Variants in SCN4B observed in about 807,000 individuals in gnomAD.
The protein encoded by SCN4B is sodium voltage-gated channel beta subunit 4, also known as sodium channel regulatory subunit beta-4.
SCN4B carries 20 observed loss-of-function variants against 19.6 expected under a neutral mutation model. That is an observed-to-expected ratio of 1.02 (90% confidence interval 0.72 to 1.48). The LOEUF is 1.48. Among genes scored for constraint, SCN4B ranks in the 40% most tolerant of loss-of-function variants. The pLI is 0.00. For missense variants in SCN4B, 271 were observed against 287.5 expected (o/e 0.94, Z 0.42); for synonymous variants, 127 against 122.8 (o/e 1.03, Z -0.22).
intron 4 of SCN4B, among the ~76,000 whole-genome samples, chr11:118,137,574 G>A (rs1332974408): frequency 6.6e-6 from 1 of 152,262 alleles, no homozygotes; most frequent in African/African-American, 2.4e-5. Context: ...GGGAGGCTGA[G>A]GCAGGAGAAT....
At chr11:118,143,065 G>C (rs752677302) in intron 3 of SCN4B, among the ~76,000 whole-genome samples, 2 of 152,234 alleles carry the variant, frequency 1.3e-5, no homozygotes, top group Non-Finnish European at 2.9e-5. Context: ...CCTTGCGCAA[G>C]TCCCCTTCCC....
At chr11:118,142,128 C>T (rs1464331379) in intron 3 of SCN4B, among the ~76,000 whole-genome samples, 1 of 152,254 alleles carries the variant, frequency 6.6e-6, no homozygotes, top group East Asian at 1.9e-4. Context: ...AGCTTCCTAA[C>T]TGATCTCCTC....
intron 4 of SCN4B, among the ~76,000 whole-genome samples, chr11:118,138,692 A>G (rs1420607688): frequency 6.6e-6 from 1 of 152,192 alleles, no homozygotes; most frequent in Non-Finnish European, 1.5e-5. Flanking sequence ...TGTGGTAAAT[A>G]ACAGGATGGG....
Position 118,135,707 on chromosome 11 carries a change from C to A in SCN4B, c.*1320G>T, listed in dbSNP as rs1328518803. On this transcript the variant is annotated 3_prime_UTR_variant, in exon 5 of 5. Coordinates refer to ENST00000324727, the MANE Select transcript of SCN4B (RefSeq NM_174934.4). ...GGGAGGGCTGGCGAACCCTCACCAGCACCACACCAGACTCTGCTGTTATGT... is the reference window on the plus strand; with the variant it reads ...GGGAGGGCTGGCGAACCCTCACCAGAACCACACCAGACTCTGCTGTTATGT... 2.2e-6 allele frequency: 1 copy of A among 454,444 alleles called. No individual in the cohort carries two copies. The highest frequency in any genetic ancestry group is 2.3e-5 in the Admixed American group (1 of 42,570). The allele number at this position is 454,444 out of a possible 1,614,324, so 28.2% of individuals were successfully genotyped here.
At chr11:118,145,805 G>A (rs776697236) in intron 1 of SCN4B, 1 of 203,806 alleles carries the variant, frequency 4.9e-6, no homozygotes, top group African/African-American at 2.3e-5. Context: ...GCTCCTCCCT[G>A]GTCCCCAGGG....
Position 118,136,064 on chromosome 11 carries a change from G to T in SCN4B, c.*963C>A, listed in dbSNP as rs1179772726. The T allele has an allele frequency of 1.8e-5, 8 of 442,086 alleles. No individual in the cohort carries two copies. Among genetic ancestry groups the T allele is most frequent in the South Asian group, 1.3e-4 (8 of 62,858 alleles). The allele number at this position is 442,086 out of a possible 1,614,324, so 27.4% of individuals were successfully genotyped here. A position where few individuals can be genotyped will look rare whatever the true frequency, so the allele number is the denominator to read the frequency against. On this transcript the variant is annotated 3_prime_UTR_variant, in exon 5 of 5. Coordinates refer to ENST00000324727, the MANE Select transcript of SCN4B (RefSeq NM_174934.4). ...GGGGGGGGGGAGCGAGCCAATGGGAGGTTGGAGGGTGCAGCCTCTCAGGTA... is the reference window on the plus strand; with the variant it reads ...GGGGGGGGGGAGCGAGCCAATGGGATGTTGGAGGGTGCAGCCTCTCAGGTA...
intron 4 of SCN4B, among the ~76,000 whole-genome samples, chr11:118,138,215 C>T (rs1948046490): frequency 6.6e-6 from 1 of 152,212 alleles, no homozygotes; most frequent in South Asian, 2.1e-4. Context: ...AAACTACATC[C>T]TACCCTCACC....
chr11:118,137,317 C>T (rs986664381), intron 4 of SCN4B, among the ~76,000 whole-genome samples, 197 bp from the exon 5 acceptor site: 6 of 152,196 alleles, frequency 3.9e-5, no homozygotes, highest in African/African-American at 1.4e-4. Flanking sequence ...TAGGGATGAC[C>T]TTCTGCGTGG....
Position 118,143,887 on chromosome 11 carries a change from T to G in SCN4B, c.409A>C (p.Lys137Gln). ...GCGTGGTGCTGGAGATTATTCTCCTTGGGGTTCTTCACATGGCAGGTGTAT... is the reference window on the plus strand; with the variant it reads ...GCGTGGTGCTGGAGATTATTCTCCTGGGGGTTCTTCACATGGCAGGTGTAT... ...GKYTCHVKNP[K>Q]ENNLQHHATI... Residue 137 changes from lysine (K) to glutamine (Q), a missense_variant, in exon 3 of 5, where the codon AAG becomes CAG. Lys to Gln is a moderately conservative substitution (Grantham distance 53). Coordinates refer to ENST00000324727, the MANE Select transcript of SCN4B (RefSeq NM_174934.4). The G allele has an allele frequency of 6.2e-7, 1 of 1,613,552 alleles. No individual in the cohort carries two copies.
rs752428709 is a variant in SCN4B at position 118,143,942 on chromosome 11, C to T, written c.354G>A (p.Leu118=). The T allele has an allele frequency of 3.7e-6, 6 of 1,614,154 alleles. No homozygotes were observed. The change falls in exon 3 of 5, where the codon CTG becomes CTA. Residue 118 remains leucine, a synonymous_variant. Coordinates refer to ENST00000324727, the MANE Select transcript of SCN4B (RefSeq NM_174934.4). ...CCGTGTCGCTGAACTCCAGGTCCCTCAGCACAATGGAAATGTTGTTCATCT... is the reference window on the plus strand; with the variant it reads ...CCGTGTCGCTGAACTCCAGGTCCCTTAGCACAATGGAAATGTTGTTCATCT... ...KEKMNNISIV[L]RDLEFSDTGK...
rs983677151 is a variant in SCN4B at position 118,148,650 on chromosome 11, G to A, written c.62-3421C>T. 5.3e-5 allele frequency among the ~76,000 whole-genome samples: 8 copies of A among 152,138 alleles called. No individual in the cohort carries two copies. Among genetic ancestry groups the A allele is most frequent in the African/African-American group, 1.9e-4 (8 of 41,422 alleles). On this transcript the variant is annotated intron_variant, in intron 1 of 4. Coordinates refer to ENST00000324727, the MANE Select transcript of SCN4B (RefSeq NM_174934.4). This position sits in a 1 kb window ranked among gnomAD's most constrained non-coding sequence, Gnocchi z 4.0. The stretch of plus-strand genomic sequence containing the variant: ...GGCACCCTGCAGGTAGAGGAGGGTG[G>A]TATTTGAAAGGGGAGCAGGGGACAA...
At chr11:118,149,421 T>C (rs1247569880) in intron 1 of SCN4B, among the ~76,000 whole-genome samples, 1 of 152,112 alleles carries the variant, frequency 6.6e-6, no homozygotes, top group Non-Finnish European at 1.5e-5. Flanking sequence ...AAGTTAGAGC[T>C]GGGGGGCAGA....
rs1306208725 is a variant in SCN4B at position 118,141,254 on chromosome 11, C to T, written c.546G>A (p.Leu182=). The change falls in exon 4 of 5, where the codon CTG becomes CTA. Residue 182 remains leucine, a synonymous_variant. Coordinates refer to ENST00000324727, the MANE Select transcript of SCN4B (RefSeq NM_174934.4). ...GGATGAAGATGATGAGTTTCTTGAT[C>T]AGCAGGATGAGGATGAGGAGCCCGA... ...GVIGLLILIL[L]IKKLIIFILK... The T allele has an allele frequency of 1.2e-6, 2 of 1,612,764 alleles. No individual in the cohort carries two copies. The highest frequency in any genetic ancestry group is 2.7e-5 in the African/African-American group (2 of 74,822).
At chr11:118,144,606 C>T (rs1948144312) in intron 2 of SCN4B, among the ~76,000 whole-genome samples, 1 of 152,070 alleles carries the variant, frequency 6.6e-6, no homozygotes, top group African/African-American at 2.4e-5. Flanking sequence ...TGAGTTCACT[C>T]CCACCCCCAC....
intron 1 of SCN4B, 150 bp downstream of exon 1, chr11:118,152,463 G>C (rs1415063403): frequency 1.5e-6 from 1 of 672,822 alleles, no homozygotes; most frequent in Non-Finnish European, 2.7e-6. Flanking sequence ...TATGAACCAG[G>C]CAGGAACCAG....
chr11:118,144,080 T>A lies in SCN4B; in HGVS notation c.235-19A>T. 1.3e-6 allele frequency: 2 copies of A among 1,559,460 alleles called. No individual in the cohort carries two copies. Among genetic ancestry groups the A allele is most frequent in the Non-Finnish European group, 1.8e-6 (2 of 1,130,906 alleles). Reference sequence around the variant, plus strand: ...CTATGAGCTGGTGGAGGAAGGGAGTTGGGGTGAGAAAGTAGCCGAGAAAGA... The same window carrying A: ...CTATGAGCTGGTGGAGGAAGGGAGTAGGGGTGAGAAAGTAGCCGAGAAAGA... On this transcript the variant is annotated intron_variant, in intron 2 of 4. Coordinates refer to ENST00000324727, the MANE Select transcript of SCN4B (RefSeq NM_174934.4).
Position 118,145,146 on chromosome 11 carries a change from T to C in SCN4B, c.145A>G (p.Ile49Val). The change falls in exon 2 of 5, where the codon ATC becomes GTC. Residue 49 changes from isoleucine to valine, a missense_variant. Ile to Val is a conservative substitution (Grantham distance 29, BLOSUM62 3). Transcript: ENST00000324727. Reference sequence around the variant, plus strand: ...CTGGAGAAGGTGCAGGGCAGCAGGATCTCCGTGCCATTGACAGCGTAGATG... The same window carrying C: ...CTGGAGAAGGTGCAGGGCAGCAGGACCTCCGTGCCATTGACAGCGTAGATG... ...TDIYAVNGTE[I>V]LLPCTFSSCF... The C allele has an allele frequency of 6.2e-7, 1 of 1,613,994 alleles. No homozygotes were observed. Among genetic ancestry groups the C allele is most frequent in the Non-Finnish European group, 8.5e-7 (1 of 1,179,990 alleles).
intron 1 of SCN4B, among the ~76,000 whole-genome samples, chr11:118,147,693 C>T (rs2135507524): frequency 6.6e-6 from 1 of 152,336 alleles, no homozygotes; most frequent in South Asian, 2.1e-4. Flanking sequence ...CTGCTTCCCA[C>T]CCTCCACAGC....
At chr11:118,146,625 T>G (rs1182058793) in intron 1 of SCN4B, among the ~76,000 whole-genome samples, 1 of 152,216 alleles carries the variant, frequency 6.6e-6, no homozygotes, top group East Asian at 1.9e-4. Flanking sequence ...TCCTGTGCCC[T>G]TAGCTTCTGA....
Sources: allele counts gnomAD v4.1 joint callset (sites outside exome capture counted in the v4.1 genomes callset), GRCh38; gene constraint gnomAD v4.1.1; non-coding constraint Gnocchi (gnomAD v3.1); transcripts MANE v1.5; gene names NCBI Gene and HGNC (gene_info 2026-07-23, HGNC 2026-07-21).